The following ERC1 variants were observed in gnomAD, a reference collection of about 807,000 sequenced individuals.
The protein encoded by ERC1 is ELKS/RAB6-interacting/CAST family member 1.
ERC1 carries 56 observed loss-of-function variants against 132.0 expected under a neutral mutation model. The ratio of observed to expected loss-of-function variants is 0.42; its 90% CI spans 0.34 to 0.53. The LOEUF (loss-of-function observed/expected upper bound fraction) is 0.53. ERC1 is among the 20% of genes least tolerant of loss of function. The pLI is 0.03. For missense variants in ERC1, 1,202 were observed against 1,349.9 expected (o/e 0.89, Z 1.72); for synonymous variants, 478 against 476.1 (o/e 1.00, Z -0.05).
At chr12:1,011,030 G>A (rs371105302) in intron 1 of ERC1, among the ~76,000 whole-genome samples, 9 of 152,142 alleles carry the variant, frequency 5.9e-5, no homozygotes, top group Middle Eastern at 3.4e-3. Flanking sequence ...TTTTACATCC[G>A]TATTATTGGA....
Position 1,028,038 on chromosome 12 carries a change from T to A in ERC1, c.135T>A (p.Ser45Arg). 1 of 1,614,104 alleles carries A rather than the reference T, an allele frequency of 6.2e-7. No individual in the cohort carries two copies. The change falls in exon 2 of 19, where the codon AGT (serine) becomes AGA (arginine). Residue 45 changes from serine to arginine, a missense_variant. By Grantham distance (110) the Ser-to-Arg change is moderately radical (BLOSUM62 -1). Transcript: ENST00000360905. ...GTACGGGAGGGAGTTCGGGAAGCAG[T>A]GTTGGAGGTGGCAGTGGGAAAACCC... ...TNSTGGSSGSSVGGGSGKTLS... is the reference protein window; with the variant it reads ...TNSTGGSSGSRVGGGSGKTLS...
At chr12:1,240,753 AAATT>A (rs1181301976) in intron 13 of ERC1, among the ~76,000 whole-genome samples, 2 of 152,086 alleles carry the variant, frequency 1.3e-5, no homozygotes, top group Admixed American at 1.3e-4. Context: ...CATACTAGAA[AAATT>A]AATCCATAAT....
chr12:1,162,087 C>T (rs947668687), intron 8 of ERC1, among the ~76,000 whole-genome samples: 1 of 152,144 alleles, frequency 6.6e-6, no homozygotes, highest in African/African-American at 2.4e-5. Context: ...CATAGTCTTC[C>T]TTGCTTTCTA....
intron 12 of ERC1, among the ~76,000 whole-genome samples, chr12:1,224,540 C>T (rs757950055): frequency 6.6e-6 from 1 of 152,012 alleles, no homozygotes; most frequent in African/African-American, 2.4e-5. Context: ...CCATACTGTA[C>T]TACTTTGTAT....
At chr12:1,147,120 A>G (rs1366180297) in intron 8 of ERC1, among the ~76,000 whole-genome samples, 1 of 152,206 alleles carries the variant, frequency 6.6e-6, no homozygotes, top group Non-Finnish European at 1.5e-5. Context: ...ATGATTTATA[A>G]TGCTTTGGGT....
At chr12:1,182,570 T>G (rs1246339171) in intron 10 of ERC1, among the ~76,000 whole-genome samples, 3 of 152,226 alleles carry the variant, frequency 2.0e-5, no homozygotes, top group Non-Finnish European at 4.4e-5. Flanking sequence ...CTTTAGCATC[T>G]TTCTGTGGAT....
At chr12:1,449,489 T>C (rs1016637741) in intron 18 of ERC1, among the ~76,000 whole-genome samples, 9 of 152,152 alleles carry the variant, frequency 5.9e-5, no homozygotes, top group Non-Finnish European at 8.8e-5. Context: ...AGTGGGTGGC[T>C]TCTCATGAGA....
At chr12:1,426,524 A>T (rs1023386578) in intron 17 of ERC1, among the ~76,000 whole-genome samples, 1 of 152,232 alleles carries the variant, frequency 6.6e-6, no homozygotes, top group Non-Finnish European at 1.5e-5. Context: ...TTTGTTAAAC[A>T]TTAATATTCT....
rs181208564 is a variant in ERC1, at chr12:1,292,840, G to A, written c.2780+2828G>A. ...AGCCTGGCCAACATGGTGAAACCCC[G>A]TCTCTACTGAAAATATAAAAAATTG... On this transcript the variant is annotated intron_variant, in intron 15 of 18. Coordinates refer to ENST00000360905, the MANE Select transcript of ERC1 (RefSeq NM_178040.4). 3.1e-3 allele frequency among the ~76,000 whole-genome samples: 464 copies of A among 151,842 alleles called. 2 individuals are homozygous for A. Among genetic ancestry groups the A allele is most frequent in the Non-Finnish European group, 4.5e-3 (308 of 67,942 alleles).
At chr12:1,443,664 GC>G (rs2093225402) in intron 17 of ERC1, 2 of 152,292 alleles carry the variant, frequency 1.3e-5, no homozygotes, top group African/African-American at 4.8e-5. Flanking sequence ...GTGAGGTCTG[GC>G]CCCACTCTCT....
At chr12:1,381,608 T>A (rs1283071159) in intron 16 of ERC1, among the ~76,000 whole-genome samples, 1 of 152,224 alleles carries the variant, frequency 6.6e-6, no homozygotes, top group Admixed American at 6.5e-5. Flanking sequence ...TATATATACT[T>A]CTTCCTCTGA....
chr12:1,136,070 A>G (rs1021712540), intron 7 of ERC1, among the ~76,000 whole-genome samples: 4 of 152,234 alleles, frequency 2.6e-5, no homozygotes, highest in Non-Finnish European at 5.9e-5. Flanking sequence ...AAACCCATTT[A>G]GTCTTCTTCA....
At chr12:1,309,586 G>A (rs1369599701) in intron 15 of ERC1, among the ~76,000 whole-genome samples, 1 of 152,012 alleles carries the variant, frequency 6.6e-6, no homozygotes. Flanking sequence ...AATAAGAAAA[G>A]TATTCTGTAC....
rs1233180318 is a variant in ERC1, at chr12:1,493,547, AAATATATATATATATATAT to A, written c.*3319_*3337del. 1 of 60,492 alleles carries A rather than the reference AAATATATATATATATATAT, an allele frequency of 1.7e-5. No individual in the cohort carries two copies. Among genetic ancestry groups the A allele is most frequent in the African/African-American group, 6.0e-5 (1 of 16,542 alleles). 3.7% of individuals were successfully genotyped at this position (60,492 alleles called of 1,614,324 possible). ...GACTCCATTTAAAAAAAAAAAAAAAAAATATATATATATATATATATATATATATATGGATGGGAATCAC... is the reference window on the plus strand; with the variant it reads ...GACTCCATTTAAAAAAAAAAAAAAAAATATATATATATGGATGGGAATCAC... On this transcript the variant is annotated 3_prime_UTR_variant, in exon 19 of 19. Transcript: ENST00000360905.
intron 15 of ERC1, among the ~76,000 whole-genome samples, chr12:1,296,343 A>G (rs1350587244): frequency 6.6e-6 from 1 of 151,732 alleles, no homozygotes; most frequent in Admixed American, 6.6e-5. Context: ...AGTAATAATC[A>G]TAAAATGAAA....
At chr12:1,015,675 G>T (rs1158110979) in intron 1 of ERC1, among the ~76,000 whole-genome samples, 2 of 152,068 alleles carry the variant, frequency 1.3e-5, no homozygotes, top group Non-Finnish European at 2.9e-5. Context: ...TTGGTTTATT[G>T]TTCATCTTTT....
chr12:1,005,903 CTTATTA>C (rs893972770), intron 1 of ERC1, among the ~76,000 whole-genome samples: 16 of 150,856 alleles, frequency 1.1e-4, no homozygotes, highest in African/African-American at 3.4e-4. Flanking sequence ...TATTAAAATT[CTTATTA>C]TTATTACTTT....
chr12:1,218,752 T>C (rs1013792654), intron 12 of ERC1, among the ~76,000 whole-genome samples: 1 of 151,932 alleles, frequency 6.6e-6, no homozygotes, highest in African/African-American at 2.4e-5. Context: ...GTCATTCCTT[T>C]TGTGGTGTTT....
At chr12:1,071,503 A>G (rs1593105674) in intron 2 of ERC1, among the ~76,000 whole-genome samples, 1 of 149,830 alleles carries the variant, frequency 6.7e-6, no homozygotes, top group South Asian at 2.1e-4. Flanking sequence ...CCAGGAATGT[A>G]TTTTTCTTTT....
Sources: allele counts gnomAD v4.1 joint callset (sites outside exome capture counted in the v4.1 genomes callset), GRCh38; gene constraint gnomAD v4.1.1; transcripts MANE v1.5; gene names NCBI Gene and HGNC (gene_info 2026-07-23, HGNC 2026-07-21).